The following AFAP1 variants were observed in gnomAD, a reference collection of about 807,000 sequenced individuals.
AFAP1 encodes the protein actin filament associated protein 1, also known as actin filament-associated protein 1.
A neutral mutation model predicts 93.9 loss-of-function variants in AFAP1; 75 were observed. The ratio of observed to expected loss-of-function variants is 0.80; its 90% CI spans 0.66 to 0.97. The LOEUF (loss-of-function observed/expected upper bound fraction) is 0.97. Among genes scored for constraint, AFAP1 ranks in the 50% least tolerant of loss-of-function variants. AFAP1 has a pLI of 0.00. For synonymous variants in AFAP1, 517 were observed against 430.7 expected (o/e 1.20, Z -2.48); for missense variants, 1,201 against 1,050.8 (o/e 1.14, Z -1.98).
intron 1 of AFAP1, among the ~76,000 whole-genome samples, chr4:7,882,798 G>A (rs149131893): frequency 2.6e-5 from 4 of 152,182 alleles, no homozygotes; most frequent in Middle Eastern, 3.4e-3. Flanking sequence ...GGCGGAGGCT[G>A]CAGTGAGCCG....
intron 7 of AFAP1, 133 bp downstream of exon 7, chr4:7,818,943 T>G (rs1355789825): frequency 1.3e-6 from 1 of 773,096 alleles, no homozygotes; most frequent in Non-Finnish European, 2.0e-6. Flanking sequence ...GTTAAAAAGA[T>G]GGGAAGCACG....
chr4:7,902,588 T>C (rs1259111247), intron 1 of AFAP1, among the ~76,000 whole-genome samples: 2 of 152,196 alleles, frequency 1.3e-5, no homozygotes, highest in African/African-American at 4.8e-5. Flanking sequence ...AACAGGGACA[T>C]TTAAAGACAT....
intron 3 of AFAP1, 93 bp from the exon 4 acceptor site, chr4:7,855,667 T>C: frequency 9.6e-7 from 1 of 1,044,992 alleles, no homozygotes; most frequent in Non-Finnish European, 1.5e-6. Context: ...AGTCTTTTCC[T>C]CTTTCCTTTG....
intron 17 of AFAP1, among the ~76,000 whole-genome samples, chr4:7,764,709 C>T (rs943814439): frequency 3.9e-5 from 6 of 152,236 alleles, no homozygotes; most frequent in African/African-American, 1.4e-4. Context: ...ACTGTGAAAG[C>T]AGGGACAGTG....
At chr4:7,827,298 A>G (rs1007962318) in intron 6 of AFAP1, among the ~76,000 whole-genome samples, 28 of 152,148 alleles carry the variant, frequency 1.8e-4, no homozygotes, top group African/African-American at 6.5e-4. Context: ...GAGGCCGGGC[A>G]CGGTGGCTCA....
intron 9 of AFAP1, 102 bp downstream of exon 9, chr4:7,809,512 C>A: frequency 7.2e-7 from 1 of 1,381,694 alleles, no homozygotes; most frequent in Non-Finnish European, 9.8e-7. Flanking sequence ...CAAAAGAGCT[C>A]AAATTAACGA....
At chr4:7,796,417 A>G (rs903157011) in intron 10 of AFAP1, among the ~76,000 whole-genome samples, 6 of 152,190 alleles carry the variant, frequency 3.9e-5, no homozygotes, top group East Asian at 1.9e-4. Context: ...TTTGACCAAA[A>G]TAAGTCACGA....
chr4:7,868,157 A>G (rs1177922948), intron 3 of AFAP1, among the ~76,000 whole-genome samples: 1 of 152,150 alleles, frequency 6.6e-6, no homozygotes, highest in Non-Finnish European at 1.5e-5. Context: ...AAATATGTAC[A>G]TATTTTTCTC....
chr4:7,827,214 A>G (rs1721501015), intron 6 of AFAP1, among the ~76,000 whole-genome samples: 1 of 152,052 alleles, frequency 6.6e-6, no homozygotes. Flanking sequence ...GGAAACCACA[A>G]CGGAGTATCC....
At chr4:7,870,902 C>T (rs1716964441) in intron 2 of AFAP1, among the ~76,000 whole-genome samples, 1 of 152,146 alleles carries the variant, frequency 6.6e-6, no homozygotes, top group Non-Finnish European at 1.5e-5. Context: ...ATGAACTGTA[C>T]ACTTTAAATG....
At chr4:7,794,568 C>G (rs1284798496) in intron 10 of AFAP1, among the ~76,000 whole-genome samples, 2 of 152,108 alleles carry the variant, frequency 1.3e-5, no homozygotes, top group African/African-American at 4.8e-5. Context: ...GTTACCCAGG[C>G]TGGAGTGCAG....
chr4:7,828,185 C>T (rs945448385), intron 6 of AFAP1, among the ~76,000 whole-genome samples: 3 of 152,148 alleles, frequency 2.0e-5, no homozygotes, highest in African/African-American at 7.2e-5. Context: ...CACATTAAAG[C>T]CACTCTGTGT....
intron 1 of AFAP1, among the ~76,000 whole-genome samples, chr4:7,919,388 A>G (rs1429246528): frequency 6.6e-6 from 1 of 152,200 alleles, no homozygotes; most frequent in Non-Finnish European, 1.5e-5. Flanking sequence ...TTTTGGAACA[A>G]GGGGGCTATT....
chr4:7,906,416 C>A (rs182603818), intron 1 of AFAP1, among the ~76,000 whole-genome samples: 21 of 152,260 alleles, frequency 1.4e-4, no homozygotes, highest in Admixed American at 1.1e-3. Context: ...TTAATAACAG[C>A]ACTGCAAAAT....
intron 5 of AFAP1, among the ~76,000 whole-genome samples, chr4:7,839,682 A>G (rs1160012759): frequency 6.6e-6 from 1 of 152,190 alleles, no homozygotes; most frequent in African/African-American, 2.4e-5. Flanking sequence ...TAAGGTTAGA[A>G]CTGAGACTTA....
At chr4:7,928,111 C>A (rs1399130300) in intron 1 of AFAP1, among the ~76,000 whole-genome samples, 1 of 152,160 alleles carries the variant, frequency 6.6e-6, no homozygotes. Flanking sequence ...TGCTTCAAAG[C>A]CCAGTGTTCC....
At chr4:7,783,334 T>TTCA (rs1187102714) in intron 12 of AFAP1, among the ~76,000 whole-genome samples, 1 of 152,148 alleles carries the variant, frequency 6.6e-6, no homozygotes, top group African/African-American at 2.4e-5. Flanking sequence ...GAGACAGGGT[T>TTCA]TCACCATGTT....
intron 10 of AFAP1, chr4:7,799,218 A>C (rs1423282360): frequency 7.9e-6 from 3 of 377,428 alleles, no homozygotes; most frequent in African/African-American, 2.2e-5. Context: ...CCTCTCTGTT[A>C]GATCACACTG....
chr4:7,774,999 G>C (rs1715954157), intron 14 of AFAP1, 96 bp from the exon 15 acceptor site: 3 of 1,438,542 alleles, frequency 2.1e-6, no homozygotes, highest in Non-Finnish European at 2.8e-6. Context: ...AAATTAGCCA[G>C]GCATGGCGGC....
Sources: allele counts gnomAD v4.1 joint callset (sites outside exome capture counted in the v4.1 genomes callset), GRCh38; gene constraint gnomAD v4.1.1; transcripts MANE v1.5; gene names NCBI Gene and HGNC (gene_info 2026-07-23, HGNC 2026-07-21).